The following L3MBTL3 variants were observed in gnomAD, a reference collection of about 807,000 sequenced individuals.
The protein encoded by L3MBTL3 is lethal(3)malignant brain tumor-like protein 3.
A neutral mutation model predicts 102.3 loss-of-function variants in L3MBTL3; 27 were observed. The ratio of observed to expected loss-of-function variants is 0.26; its 90% CI spans 0.19 to 0.36. L3MBTL3 has a LOEUF of 0.36. Ranked by LOEUF, L3MBTL3 falls within the 10% of genes least tolerant of loss-of-function variation. The pLI, the probability that L3MBTL3 is intolerant of heterozygous loss-of-function variation, is 1.00. For synonymous variants in L3MBTL3, 340 were observed against 320.9 expected (o/e 1.06, Z -0.64); for missense variants, 798 against 955.3 (o/e 0.84, Z 2.17).
chr6:130,060,781 T>C (rs771858427), intron 10 of L3MBTL3, among the ~76,000 whole-genome samples: 27 of 151,998 alleles, frequency 1.8e-4, no homozygotes, highest in Admixed American at 7.9e-4. Context: ...TACATACATA[T>C]ATTACTGAGA....
At chr6:130,108,243 T>G (rs1002261387) in intron 19 of L3MBTL3, among the ~76,000 whole-genome samples, 29 of 142,682 alleles carry the variant, frequency 2.0e-4, no homozygotes, top group South Asian at 4.6e-4. Context: ...TTTTTTTTTT[T>G]TTTTTTTTTT....
chr6:130,050,340 C>T (rs891554601), intron 5 of L3MBTL3, among the ~76,000 whole-genome samples: 6 of 152,242 alleles, frequency 3.9e-5, no homozygotes, highest in African/African-American at 1.4e-4. Flanking sequence ...GCAGTGCCAG[C>T]AGCACAGAAT....
intron 16 of L3MBTL3, 30 bp from the exon 17 acceptor site, chr6:130,092,715 T>C: frequency 7.1e-7 from 1 of 1,405,294 alleles, no homozygotes; most frequent in Non-Finnish European, 1.0e-6. Flanking sequence ...ATGACTTAAT[T>C]TGTACTGTTA....
Position 130,133,800 on chromosome 6 carries a change from G to A in L3MBTL3, c.2137-43G>A, listed in dbSNP as rs778199267. 1.3e-6 allele frequency: 2 copies of A among 1,548,600 alleles called. No homozygotes were observed. Among genetic ancestry groups the A allele is most frequent in the South Asian group, 1.1e-5 (1 of 89,550 alleles). On this transcript the variant is annotated intron_variant, in intron 21 of 22. Transcript: ENST00000361794. This position sits in a 1 kb window ranked among gnomAD's most constrained non-coding sequence, Gnocchi z 4.9. ...TTTGAACCTGTAGCATTTAGATTCTGACTGTGTTTTTTAACTGGGAATTTT... is the reference window on the plus strand; with the variant it reads ...TTTGAACCTGTAGCATTTAGATTCTAACTGTGTTTTTTAACTGGGAATTTT...
intron 19 of L3MBTL3, 54 bp from the exon 20 acceptor site, chr6:130,120,825 C>A (rs1359573663): frequency 5.2e-6 from 7 of 1,350,454 alleles, no homozygotes; most frequent in South Asian, 3.6e-5. Context: ...TAGTTCTGAA[C>A]CATTTTTTTA....
At chr6:130,053,168 G>A (rs1386198423) in intron 7 of L3MBTL3, among the ~76,000 whole-genome samples, 177 bp downstream of exon 7, 1 of 143,224 alleles carries the variant, frequency 7.0e-6, no homozygotes, top group East Asian at 2.3e-4. Context: ...CTCAAAATGG[G>A]AATCATAAAC....
chr6:130,063,173 T>C (rs1259066788), intron 10 of L3MBTL3, among the ~76,000 whole-genome samples: 2 of 152,092 alleles, frequency 1.3e-5, no homozygotes, highest in Non-Finnish European at 2.9e-5. Context: ...GAGGAGTCTC[T>C]TGCATTACAA....
chr6:130,077,244 T>A (rs908143220), intron 13 of L3MBTL3, among the ~76,000 whole-genome samples: 2 of 152,172 alleles, frequency 1.3e-5, no homozygotes. Flanking sequence ...AACACTAGGA[T>A]ATCTGGAAGT....
chr6:130,115,186 C>T (rs886729173), intron 19 of L3MBTL3, among the ~76,000 whole-genome samples: 2 of 152,118 alleles, frequency 1.3e-5, no homozygotes, highest in South Asian at 2.1e-4. Context: ...TGCAAAGGCC[C>T]CATGAGACTA....
intron 18 of L3MBTL3, among the ~76,000 whole-genome samples, chr6:130,101,679 C>G (rs1165837352): frequency 6.6e-6 from 1 of 152,170 alleles, no homozygotes; most frequent in Non-Finnish European, 1.5e-5. Context: ...TCCTCCTGTG[C>G]AGATCGTTTT....
chr6:130,116,626 G>A (rs1169333550), intron 19 of L3MBTL3, among the ~76,000 whole-genome samples: 3 of 152,078 alleles, frequency 2.0e-5, no homozygotes, highest in East Asian at 3.9e-4. Flanking sequence ...GGTAGCGCAT[G>A]CCTGTAGTTT....
intron 2 of L3MBTL3, among the ~76,000 whole-genome samples, chr6:130,030,327 G>T: frequency 6.6e-6 from 1 of 151,992 alleles, no homozygotes; most frequent in Non-Finnish European, 1.5e-5. Context: ...GAAAGGTTAG[G>T]TACCCTGGCT....
chr6:130,046,955 G>A (rs776753905), intron 3 of L3MBTL3, among the ~76,000 whole-genome samples: 6 of 152,220 alleles, frequency 3.9e-5, no homozygotes, highest in Non-Finnish European at 5.9e-5. Flanking sequence ...TTCTATCATA[G>A]CAATGTTGTG....
chr6:130,051,919 G>A (rs953009487), intron 6 of L3MBTL3, among the ~76,000 whole-genome samples: 13 of 152,122 alleles, frequency 8.5e-5, no homozygotes, highest in Non-Finnish European at 1.5e-4. Flanking sequence ...ATGAGACAGA[G>A]GCATCAGCTG....
chr6:130,078,135 T>G (rs868004965), intron 13 of L3MBTL3, among the ~76,000 whole-genome samples: 2 of 152,292 alleles, frequency 1.3e-5, no homozygotes, highest in Middle Eastern at 6.8e-3. Flanking sequence ...TGTTGGTTAT[T>G]AAGGATGATT....
chr6:130,092,641 C>A (rs943274326), intron 16 of L3MBTL3, 104 bp from the exon 17 acceptor site: 12 of 633,076 alleles, frequency 1.9e-5, no homozygotes, highest in Non-Finnish European at 3.4e-5. Context: ...GGTTTTAAAT[C>A]TACTGTATGT....
In L3MBTL3 at chr6:130,077,055, C is replaced by T. The variant is rs562082645; in HGVS notation, c.1245-1503C>T. ...TACTTTAAAATAAACACTGTGAGTC[C>T]GACAGATAATTATAAAAACTACTCT... On this transcript the variant is annotated intron_variant, in intron 13 of 22. Transcript: ENST00000361794. Among the ~76,000 whole-genome samples the T allele has an allele frequency of 4.5e-4, 68 of 151,890 alleles. No homozygotes were observed. In the South Asian group the frequency reaches 9.6e-3, roughly 21 times the overall value.
At chr6:130,104,644 A>G (rs1407833950) in intron 19 of L3MBTL3, 69 bp downstream of exon 19, 12 of 1,161,962 alleles carry the variant, frequency 1.0e-5, no homozygotes, top group Non-Finnish European at 1.4e-5. Flanking sequence ...TATCTTTTAG[A>G]TATTTTATTT....
chr6:130,049,972 A>ATGACTCCTGT, intron 5 of L3MBTL3, 142 bp downstream of exon 5: 1 of 1,061,602 alleles, frequency 9.4e-7, no homozygotes, highest in Non-Finnish European at 1.3e-6. Context: ...GAAACACAGG[A>ATGACTCCTGT]GTCATCCTGA....
Sources: allele counts gnomAD v4.1 joint callset (sites outside exome capture counted in the v4.1 genomes callset), GRCh38; gene constraint gnomAD v4.1.1; non-coding constraint Gnocchi (gnomAD v3.1); transcripts MANE v1.5; gene names NCBI Gene and HGNC (gene_info 2026-07-23, HGNC 2026-07-21).